The following CRYL1 variants were observed in gnomAD, a reference collection of about 807,000 sequenced individuals.
The protein encoded by CRYL1 is crystallin lambda 1.
In CRYL1, 29 loss-of-function variants were observed where a neutral mutation model predicts 36.6. The ratio of observed to expected loss-of-function variants is 0.79; its 90% CI spans 0.59 to 1.08. The LOEUF is 1.08. Ranked by LOEUF, CRYL1 falls within the 50% of genes least tolerant of loss-of-function variation. CRYL1 has a pLI of 0.00. For synonymous variants in CRYL1, 152 were observed against 151.5 expected, an observed-to-expected ratio of 1.00 and a Z score of -0.02; for missense variants, 411 against 407.9, an observed-to-expected ratio of 1.01 and a Z score of -0.06.
In CRYL1 at chr13:20,460,586, C is replaced by T. The variant is rs549872043; in HGVS notation, c.277-20832G>A. Among the ~76,000 whole-genome samples, 49 of 133,570 alleles carry T rather than the reference C, an allele frequency of 3.7e-4. 1 individual carries two copies. Among genetic ancestry groups the T allele is most frequent in the Middle Eastern group, 4.5e-3 (1 of 224 alleles). The allele number at this position is 133,570 out of a possible 152,430, so 87.6% of individuals were successfully genotyped here. A position where few individuals can be genotyped will look rare whatever the true frequency, so the allele number is the denominator to read the frequency against. On this transcript the variant is annotated intron_variant, in intron 3 of 7. Transcript: ENST00000298248. ...TGTCGCCCAGGCTGGAGTGCAGTGG[C>T]GCTATCTCGGCTCACTGCAAGCTCC...
chr13:20,447,781 C>G (rs372787584), intron 3 of CRYL1, among the ~76,000 whole-genome samples: 1 of 152,182 alleles, frequency 6.6e-6, no homozygotes, highest in Non-Finnish European at 1.5e-5. Context: ...CAACTGCAAA[C>G]CTTATACCTT....
intron 4 of CRYL1, among the ~76,000 whole-genome samples, chr13:20,433,612 T>C (rs536868662): frequency 6.6e-6 from 1 of 152,310 alleles, no homozygotes; most frequent in South Asian, 2.1e-4. Context: ...TAAACACCTG[T>C]CACCTACTGA....
intron 3 of CRYL1, among the ~76,000 whole-genome samples, chr13:20,480,692 C>T (rs1166844081): frequency 2.0e-5 from 3 of 152,208 alleles, no homozygotes; most frequent in Admixed American, 6.5e-5. Context: ...GGCCTGCCAG[C>T]GCAAATCATG....
intron 2 of CRYL1, among the ~76,000 whole-genome samples, chr13:20,491,067 A>C (rs1192954712): frequency 6.6e-6 from 1 of 151,938 alleles, no homozygotes; most frequent in Admixed American, 6.6e-5. Context: ...ACCACGCCTG[A>C]CCAATTTTTT....
chr13:20,493,973 C>A (rs2033561499), intron 2 of CRYL1, among the ~76,000 whole-genome samples: 1 of 152,216 alleles, frequency 6.6e-6, no homozygotes, highest in Non-Finnish European at 1.5e-5. Flanking sequence ...TCACAATCAA[C>A]CCTCATCAAG....
At position 20,489,472 on chromosome 13, in the gene CRYL1, C is replaced by T. The variant is rs2033468404; in HGVS notation, c.174G>A (p.Gln58=). The change falls in exon 3 of 8, where the codon CAG becomes CAA. Residue 58 remains glutamine, a synonymous_variant. Coordinates refer to ENST00000298248, the MANE Select transcript of CRYL1 (RefSeq NM_015974.3). The part of the protein sequence containing the change: ...NIRKEMKLLE[Q]AGSLKGSLSV... ...TCAGGGAGCCTTTCAGAGAACCTGC[C>T]TGCTCCAGCAACTTCATCTCCTTTC... 1.2e-6 allele frequency: 2 copies of T among 1,613,302 alleles called. No individual in the cohort carries two copies. Among genetic ancestry groups the T allele is most frequent in the Non-Finnish European group, 1.7e-6 (2 of 1,179,996 alleles).
intron 6 of CRYL1, among the ~76,000 whole-genome samples, chr13:20,406,863 T>A (rs1352307717): frequency 2.6e-5 from 4 of 151,432 alleles, no homozygotes; most frequent in Admixed American, 2.0e-4. Flanking sequence ...CAGCAGCCAG[T>A]TCCATCTCCC....
chr13:20,464,277 C>G (rs2032889342), intron 3 of CRYL1, among the ~76,000 whole-genome samples: 2 of 152,052 alleles, frequency 1.3e-5, no homozygotes, highest in Admixed American at 6.6e-5. Flanking sequence ...GCCTGTAGTC[C>G]CAGCTACTCA....
chr13:20,507,096 T>C (rs73447908), intron 2 of CRYL1, among the ~76,000 whole-genome samples: 3,961 of 152,316 alleles, frequency 0.026, 163 homozygotes, highest in African/African-American at 0.089. Flanking sequence ...TCAACCATGA[T>C]TGTGAGGCCT....
intron 1 of CRYL1, among the ~76,000 whole-genome samples, chr13:20,518,839 G>A (rs576342911): frequency 2.0e-5 from 3 of 152,276 alleles, no homozygotes; most frequent in African/African-American, 4.8e-5. Flanking sequence ...AATTGCTGGC[G>A]AATTGCATGT....
At chr13:20,519,919 G>A (rs966773158) in intron 1 of CRYL1, among the ~76,000 whole-genome samples, 4 of 152,096 alleles carry the variant, frequency 2.6e-5, no homozygotes, top group African/African-American at 9.7e-5. Context: ...TTTTACACAT[G>A]ATGATGCTAT....
chr13:20,405,273 A>C (rs2031338589), intron 6 of CRYL1, among the ~76,000 whole-genome samples: 1 of 151,644 alleles, frequency 6.6e-6, no homozygotes, highest in East Asian at 1.9e-4. Context: ...TCCGTCTCAA[A>C]AAAAAAAAAA....
intron 6 of CRYL1, among the ~76,000 whole-genome samples, chr13:20,412,678 C>T (rs769158021): frequency 3.3e-5 from 5 of 152,150 alleles, no homozygotes; most frequent in African/African-American, 4.8e-5. Context: ...CTTCCCAAGT[C>T]GTCTTTCCTT....
chr13:20,451,383 A>G (rs1383141979), intron 3 of CRYL1, among the ~76,000 whole-genome samples: 2 of 152,202 alleles, frequency 1.3e-5, no homozygotes, highest in African/African-American at 4.8e-5. Context: ...AATATTCACA[A>G]ATTATTCATT....
chr13:20,483,488 C>G (rs2033321835), intron 3 of CRYL1, among the ~76,000 whole-genome samples: 3 of 152,160 alleles, frequency 2.0e-5, no homozygotes, highest in African/African-American at 4.8e-5. Context: ...TGGACTGTAA[C>G]GTACCACATC....
intron 2 of CRYL1, among the ~76,000 whole-genome samples, chr13:20,497,917 A>G (rs2033641478): frequency 6.6e-6 from 1 of 152,072 alleles, no homozygotes; most frequent in Non-Finnish European, 1.5e-5. Flanking sequence ...TTCCAAAACT[A>G]ATGTTTTCAT....
intron 3 of CRYL1, among the ~76,000 whole-genome samples, chr13:20,477,156 G>T (rs533659352): frequency 6.6e-6 from 1 of 152,126 alleles, no homozygotes; most frequent in Non-Finnish European, 1.5e-5. Context: ...GCGGGACTCC[G>T]TCTCAAAAAC....
At chr13:20,429,703 T>C (rs925677474) in intron 5 of CRYL1, among the ~76,000 whole-genome samples, 1 of 152,060 alleles carries the variant, frequency 6.6e-6, no homozygotes. Context: ...GGCATCCAAG[T>C]GGATGCTCAG....
chr13:20,412,847 G>C (rs1463740294), intron 6 of CRYL1, among the ~76,000 whole-genome samples: 1 of 152,208 alleles, frequency 6.6e-6, no homozygotes, highest in Admixed American at 6.5e-5. Context: ...TAGCCTTCTA[G>C]AAGAAAACCT....
Sources: gnomAD v4.1 joint callset for allele counts (sites outside exome capture counted in the v4.1 genomes callset) on GRCh38, gnomAD v4.1.1 for gene constraint, MANE v1.5 for transcripts, NCBI Gene and HGNC (gene_info 2026-07-23, HGNC 2026-07-21) for gene names.